ZFPM1: variants seen among roughly 807,000 people sequenced by gnomAD.
The protein encoded by ZFPM1 is zinc finger protein, FOG family member 1, also known as zinc finger protein ZFPM1.
Under a neutral mutation model 46.3 loss-of-function variants are expected in ZFPM1, and 28 were observed. The ratio of observed to expected loss-of-function variants is 0.60; its 90% CI spans 0.45 to 0.83. The LOEUF (loss-of-function observed/expected upper bound fraction) is 0.83, where lower values mean the gene tolerates loss of function less well. Among genes scored for constraint, ZFPM1 ranks in the 40% least tolerant of loss-of-function variants. The pLI is 0.00. For synonymous variants in ZFPM1, 957 were observed against 675.9 expected (o/e 1.42, Z -6.45); for missense variants, 1,878 against 1,432.4 (o/e 1.31, Z -5.02).
chr16:88,513,880 T>C (rs1001471993), intron 3 of ZFPM1, among the ~76,000 whole-genome samples: 1 of 152,242 alleles, frequency 6.6e-6, no homozygotes, highest in Admixed American at 6.5e-5. Flanking sequence ...TGTCTCCTTT[T>C]CTGTGTCTCT....
intron 3 of ZFPM1, chr16:88,513,202 C>G (rs1384728282): frequency 6.6e-6 from 1 of 152,190 alleles, no homozygotes; most frequent in Middle Eastern, 3.2e-3. Flanking sequence ...ACGGCAGAAC[C>G]GCTCCTGCTG....
At chr16:88,455,509 C>A (rs945293717) in intron 1 of ZFPM1, among the ~76,000 whole-genome samples, 1 of 151,744 alleles carries the variant, frequency 6.6e-6, no homozygotes, top group Non-Finnish European at 1.5e-5. Context: ...TGTCACCAAG[C>A]GGCGGCGCCC....
At chr16:88,512,419 A>G (rs1460010035) in intron 3 of ZFPM1, among the ~76,000 whole-genome samples, 2 of 152,112 alleles carry the variant, frequency 1.3e-5, no homozygotes, top group African/African-American at 4.8e-5. Flanking sequence ...TCTGGTCAGG[A>G]ATGTTCTGGA....
chr16:88,465,415 C>G (rs894516008), intron 1 of ZFPM1, among the ~76,000 whole-genome samples: 25 of 152,374 alleles, frequency 1.6e-4, no homozygotes, highest in Admixed American at 1.4e-3. Flanking sequence ...CTGGGCCTGG[C>G]TGGCTGCGCC....
chr16:88,528,874 A>G (rs1487284754), intron 6 of ZFPM1, among the ~76,000 whole-genome samples: 1 of 152,178 alleles, frequency 6.6e-6, no homozygotes. Context: ...CTCTCTACAC[A>G]TGGCCGTATG....
chr16:88,483,337 CCGTGGCCT>C (rs1266546879), intron 1 of ZFPM1, among the ~76,000 whole-genome samples: 1 of 152,096 alleles, frequency 6.6e-6, no homozygotes, highest in Admixed American at 6.5e-5. Context: ...CCCCTCCTCC[CCGTGGCCT>C]CTGAGGTCAG....
chr16:88,460,625 C>T (rs1469162766), intron 1 of ZFPM1, among the ~76,000 whole-genome samples: 3 of 152,212 alleles, frequency 2.0e-5, no homozygotes, highest in Admixed American at 6.5e-5. Flanking sequence ...GGGTGTGGCT[C>T]TCAGCCAGGT....
chr16:88,491,815 C>T (rs976464750), intron 3 of ZFPM1, among the ~76,000 whole-genome samples: 2 of 152,196 alleles, frequency 1.3e-5, no homozygotes, highest in South Asian at 2.1e-4. Context: ...GCTGGCCAAC[C>T]GCTGCAGTGG....
Position 88,516,147 on chromosome 16 carries a change from T to C in ZFPM1, c.402+1627T>C, listed in dbSNP as rs1294666001. 9 of 398,494 alleles carry C rather than the reference T, an allele frequency of 2.3e-5. No individual in the cohort carries two copies. In the East Asian group the frequency reaches 3.2e-4, roughly 14 times the overall value. The allele number at this position is 398,494 out of a possible 1,614,324, so 24.7% of individuals were successfully genotyped here. A position where few individuals can be genotyped will look rare whatever the true frequency, so the allele number is the denominator to read the frequency against. ...CTGAGGCTCCAAGATGTTAAGTCAA[T>C]TGCCCAAATACCCAGGATCAAACAG... is the stretch of plus-strand genomic sequence containing the variant. On this transcript the variant is annotated intron_variant, in intron 4 of 9. Transcript: ENST00000319555.
At chr16:88,487,477 G>A (rs546977382) in intron 2 of ZFPM1, among the ~76,000 whole-genome samples, 17 of 152,330 alleles carry the variant, frequency 1.1e-4, no homozygotes, top group South Asian at 4.1e-4. Flanking sequence ...TGCCCCTGAC[G>A]GGCGGAAGAA....
chr16:88,482,003 G>A (rs540110183), intron 1 of ZFPM1, among the ~76,000 whole-genome samples: 38 of 152,276 alleles, frequency 2.5e-4, no homozygotes, highest in African/African-American at 6.5e-4. Context: ...TCTGTAGACC[G>A]GGAAACTGAG....
chr16:88,534,352 C>T lies in ZFPM1; in HGVS notation c.2394C>T (p.Ser798=). Residue 798 remains serine (S), a synonymous_variant, in exon 10 of 10, where the codon AGC becomes AGT. Transcript: ENST00000319555. The stretch of plus-strand genomic sequence containing the variant: ...CGGCCGACGGCCCCATCGACCTGAG[C>T]AAGAAGCCGCGGCGCCCGCTCCCCG... ...GPAADGPIDL[S]KKPRRPLPGA... is the part of the protein sequence containing the mutation. 7.1e-7 allele frequency: 1 copy of T among 1,418,038 alleles called. No homozygotes were observed. Among genetic ancestry groups the T allele is most frequent in the African/African-American group, 1.5e-5 (1 of 66,492 alleles). 87.8% of individuals were successfully genotyped at this position (1,418,038 alleles called of 1,614,324 possible).
At chr16:88,456,325 C>G (rs930330968) in intron 1 of ZFPM1, among the ~76,000 whole-genome samples, 2 of 152,114 alleles carry the variant, frequency 1.3e-5, no homozygotes, top group Non-Finnish European at 1.5e-5. Flanking sequence ...GGGTGTTTTC[C>G]CCTTGAATCA....
Position 88,461,183 on chromosome 16 carries a change from CGGGGCGGGAGG to C in ZFPM1, c.40+7506_40+7516del, listed in dbSNP as rs1567525828. Among the ~76,000 whole-genome samples, 46 of 34,676 alleles carry C rather than the reference CGGGGCGGGAGG, an allele frequency of 1.3e-3. 2 individuals are homozygous for C. Among genetic ancestry groups the C allele is most frequent in the African/African-American group, 9.4e-3 (43 of 4,584 alleles). 22.7% of individuals were successfully genotyped at this position (34,676 alleles called of 152,430 possible). Reference sequence around the variant, plus strand: ...GGGAGACCTGGTGAGGACCGAGGGGCGGGGCGGGAGGCCTGGTGAGGACCCAGGGGCGGGAG... The same window carrying C: ...GGGAGACCTGGTGAGGACCGAGGGGCCCTGGTGAGGACCCAGGGGCGGGAG... On this transcript the variant is annotated intron_variant, in intron 1 of 9. Coordinates refer to ENST00000319555, the MANE Select transcript of ZFPM1 (RefSeq NM_153813.3).
rs1215102639 is a variant in ZFPM1, at chr16:88,490,219, A to G, written c.268+1066A>G. ...CAGGTGCCTGCCACCATGCCCGGCT[A>G]ATTTTTCTATTTTGAGGAGAGACGG... On this transcript the variant is annotated intron_variant, in intron 3 of 9. Coordinates refer to ENST00000319555, the MANE Select transcript of ZFPM1 (RefSeq NM_153813.3). Among the ~76,000 whole-genome samples, 3 of 151,952 alleles carry G rather than the reference A, an allele frequency of 2.0e-5. No homozygotes were observed. In the East Asian group the frequency reaches 5.8e-4, roughly 29 times the overall value.
At chr16:88,493,100 CGGGGAGCTGTCCCGGGGTGG>C (rs1256864111) in intron 3 of ZFPM1, among the ~76,000 whole-genome samples, 2,587 of 113,722 alleles carry the variant, frequency 0.023, 112 homozygotes, top group African/African-American at 0.086. Context: ...TCCCGGGGTG[CGGGGAGCTGTCCCGGGGTGG>C]GGGGAGCTGT....
rs1390403746 is a variant in ZFPM1, at chr16:88,475,504, G to T, written c.41-10435G>T. On this transcript the variant is annotated intron_variant, in intron 1 of 9. Coordinates refer to ENST00000319555, the MANE Select transcript of ZFPM1 (RefSeq NM_153813.3). ...CCCACCCAAGTAACCCTGAGCAGGG[G>T]CAGGGGTCCGGGGGGGGGAGCACAG... is the stretch of plus-strand genomic sequence containing the variant. 4.5e-5 allele frequency among the ~76,000 whole-genome samples: 6 copies of T among 133,974 alleles called. No individual in the cohort carries two copies. The East Asian group carries it at 1.3e-3, about 28-fold the overall frequency. 87.9% of individuals were successfully genotyped at this position (133,974 alleles called of 152,430 possible). A position where few individuals can be genotyped will look rare whatever the true frequency, so the allele number is the denominator to read the frequency against.
chr16:88,481,844 C>T (rs1908960235), intron 1 of ZFPM1, among the ~76,000 whole-genome samples: 2 of 152,200 alleles, frequency 1.3e-5, no homozygotes, highest in African/African-American at 4.8e-5. Flanking sequence ...ACCGCCCGTC[C>T]AGTCTTAACC....
In ZFPM1 at chr16:88,534,684, C is replaced by T. The variant is rs1222160045; in HGVS notation, c.2726C>T (p.Ser909Phe). Reference sequence around the variant, plus strand: ...TCGCCCGCTCCCGCCCCCGCCGCCTCCCCGCAGCCCGGGTCCCGTGGCCCC... The same window carrying T: ...TCGCCCGCTCCCGCCCCCGCCGCCTTCCCGCAGCCCGGGTCCCGTGGCCCC... The part of the protein sequence containing the change: ...GPSPAPAPAA[S>F]PQPGSRGPRD... Residue 909 changes from serine to phenylalanine, a missense_variant, in exon 10 of 10, where the codon TCC becomes TTC. Physicochemically the swap from Ser to Phe is radical, Grantham distance 155 (BLOSUM62 -2). Transcript: ENST00000319555. 1.0e-6 allele frequency: 1 copy of T among 989,610 alleles called. No individual in the cohort carries two copies. Among genetic ancestry groups the T allele is most frequent in the African/African-American group, 1.8e-5 (1 of 56,612 alleles). 61.3% of individuals were successfully genotyped at this position (989,610 alleles called of 1,614,324 possible).
Sources: gnomAD v4.1 joint callset for allele counts (sites outside exome capture counted in the v4.1 genomes callset) on GRCh38, gnomAD v4.1.1 for gene constraint, MANE v1.5 for transcripts, NCBI Gene and HGNC (gene_info 2026-07-23, HGNC 2026-07-21) for gene names.